VEGFC: variants seen among roughly 807,000 people sequenced by gnomAD.
VEGFC encodes vascular endothelial growth factor C.
Under a neutral mutation model 46.1 loss-of-function variants are expected in VEGFC, and 12 were observed. That is an observed-to-expected ratio of 0.26 (90% confidence interval 0.17 to 0.42). VEGFC has a LOEUF of 0.42. Among genes scored for constraint, VEGFC ranks in the 10% least tolerant of loss-of-function variants. The pLI is 1.00. For synonymous variants in VEGFC, 232 were observed against 195.5 expected (o/e 1.19, Z -1.56); for missense variants, 488 against 529.4 (o/e 0.92, Z 0.77).
At chr4:176,771,181 T>C (rs1252826493) in intron 1 of VEGFC, among the ~76,000 whole-genome samples, 2 of 152,312 alleles carry the variant, frequency 1.3e-5, no homozygotes, top group African/African-American at 2.4e-5. Flanking sequence ...ATTACCCTTA[T>C]TCAAGTCACA....
chr4:176,730,928 TAA>T (rs902396105), intron 1 of VEGFC, among the ~76,000 whole-genome samples: 14 of 152,066 alleles, frequency 9.2e-5, no homozygotes, highest in Non-Finnish European at 1.9e-4. Context: ...CTCCTAAAAA[TAA>T]AAGTCAATTA....
At chr4:176,758,736 A>G (rs1560957582) in intron 1 of VEGFC, among the ~76,000 whole-genome samples, 1 of 152,004 alleles carries the variant, frequency 6.6e-6, no homozygotes, top group Non-Finnish European at 1.5e-5. Flanking sequence ...CATGATGTCT[A>G]CCTCTGGCCC....
rs548306154 is a variant in VEGFC at position 176,728,731 on chromosome 4, G to A, written c.362-763C>T. On this transcript the variant is annotated intron_variant, in intron 2 of 6. Coordinates refer to ENST00000618562, the MANE Select transcript of VEGFC (RefSeq NM_005429.5). ...CCCTAAAATAGAATTTTTGGAAAAGGACATAAACTATTGGTTATACAACCA... is the reference window on the plus strand; with the variant it reads ...CCCTAAAATAGAATTTTTGGAAAAGAACATAAACTATTGGTTATACAACCA... Among the ~76,000 whole-genome samples the A allele has an allele frequency of 1.5e-3, 222 of 152,228 alleles. 1 individual carries two copies. The highest frequency in any genetic ancestry group is 4.6e-3 in the South Asian group (22 of 4,828).
chr4:176,755,098 T>A (rs1291606359), intron 1 of VEGFC, among the ~76,000 whole-genome samples: 1 of 152,058 alleles, frequency 6.6e-6, no homozygotes, highest in East Asian at 1.9e-4. Context: ...ATCTGTTGGT[T>A]CCAATTCGTA....
chr4:176,704,804 T>C (rs1734497589), intron 4 of VEGFC, among the ~76,000 whole-genome samples: 2 of 152,200 alleles, frequency 1.3e-5, no homozygotes, highest in South Asian at 4.1e-4. Context: ...GCATATGTGA[T>C]TCTGTTGACC....
intron 1 of VEGFC, among the ~76,000 whole-genome samples, chr4:176,741,943 C>G (rs1735183023): frequency 1.3e-5 from 2 of 151,864 alleles, no homozygotes; most frequent in Non-Finnish European, 2.9e-5. Flanking sequence ...AATATTAATT[C>G]AAACCCTAGT....
chr4:176,701,578 C>T (rs1734433702), intron 4 of VEGFC, among the ~76,000 whole-genome samples: 1 of 152,122 alleles, frequency 6.6e-6, no homozygotes, highest in African/African-American at 2.4e-5. Flanking sequence ...AGTTACCTTC[C>T]CTTTACAAAA....
intron 1 of VEGFC, among the ~76,000 whole-genome samples, chr4:176,785,407 T>C (rs1021887923): frequency 6.6e-6 from 1 of 152,226 alleles, no homozygotes; most frequent in African/African-American, 2.4e-5. Context: ...TGCATTTGAA[T>C]ATTTCCTCTT....
intron 6 of VEGFC, among the ~76,000 whole-genome samples, chr4:176,686,342 C>G (rs941889028): frequency 5.9e-5 from 9 of 152,218 alleles, no homozygotes; most frequent in Non-Finnish European, 1.2e-4. Context: ...AAAACAAATG[C>G]CTCGTTTTTG....
At chr4:176,742,778 ATCTTAATTTTATTCAAAT>A (rs1353296391) in intron 1 of VEGFC, among the ~76,000 whole-genome samples, 3 of 152,016 alleles carry the variant, frequency 2.0e-5, no homozygotes, top group African/African-American at 7.2e-5. Context: ...GTCAGACCTA[ATCTTAATTTTATTCAAAT>A]TCCCCCATGA....
chr4:176,786,499 C>T (rs1020913329), intron 1 of VEGFC, among the ~76,000 whole-genome samples: 1 of 152,190 alleles, frequency 6.6e-6, no homozygotes, highest in Non-Finnish European at 1.5e-5. Context: ...CCCAGGCCTG[C>T]CCATGCAACT....
intron 1 of VEGFC, among the ~76,000 whole-genome samples, chr4:176,759,321 A>T (rs1411288443): frequency 1.3e-5 from 2 of 150,914 alleles, no homozygotes; most frequent in African/African-American, 4.9e-5. Context: ...TTGCAAAAAG[A>T]TGAATAAAAC....
chr4:176,767,598 C>T (rs1249613390), intron 1 of VEGFC, among the ~76,000 whole-genome samples: 1 of 152,132 alleles, frequency 6.6e-6, no homozygotes, highest in East Asian at 1.9e-4. Context: ...TTCTTTTGTT[C>T]TTTTCTGTTT....
rs751982596 is a variant in VEGFC, at chr4:176,687,276, G to C, written c.1056C>G (p.Pro352=). The change falls in exon 6 of 7, where the codon CCC becomes CCG. Residue 352 remains proline (P), a synonymous_variant. Coordinates refer to ENST00000618562, the MANE Select transcript of VEGFC (RefSeq NM_005429.5). ...CACAGGCACATTTTCCAGGATTTAGGGGTTGATTTCTGGGGCAGGTTCTTT... is the reference window on the plus strand; with the variant it reads ...CACAGGCACATTTTCCAGGATTTAGCGGTTGATTTCTGGGGCAGGTTCTTT... ...VCKRTCPRNQ[P]LNPGKCACEC... is the part of the protein sequence containing the mutation. 6 of 1,613,902 alleles carry C rather than the reference G, an allele frequency of 3.7e-6. No individual in the cohort carries two copies. The highest frequency in any genetic ancestry group is 1.7e-5 in the Admixed American group (1 of 59,988).
At chr4:176,744,875 C>T (rs190368803) in intron 1 of VEGFC, among the ~76,000 whole-genome samples, 12 of 152,146 alleles carry the variant, frequency 7.9e-5, no homozygotes, top group Admixed American at 2.6e-4. Context: ...GATTTTTGCA[C>T]TAATTACAAA....
intron 1 of VEGFC, among the ~76,000 whole-genome samples, chr4:176,733,285 T>A (rs1482976845): frequency 6.6e-6 from 1 of 151,978 alleles, no homozygotes; most frequent in Non-Finnish European, 1.5e-5. Flanking sequence ...CAAAAACTTA[T>A]GTTCACATAA....
chr4:176,769,099 A>AC (rs1735681090), intron 1 of VEGFC, among the ~76,000 whole-genome samples: 1 of 151,938 alleles, frequency 6.6e-6, no homozygotes, highest in African/African-American at 2.4e-5. Context: ...CTTCCTCCTT[A>AC]CCCCTATCAC....
intron 4 of VEGFC, among the ~76,000 whole-genome samples, chr4:176,694,510 G>GT (rs1734271679): frequency 6.6e-6 from 1 of 151,522 alleles, no homozygotes; most frequent in Admixed American, 6.6e-5. Flanking sequence ...AAGAGACTTA[G>GT]ACTCCCACAC....
intron 1 of VEGFC, among the ~76,000 whole-genome samples, chr4:176,755,976 T>C (rs1307604443): frequency 6.6e-6 from 1 of 152,016 alleles, no homozygotes; most frequent in Admixed American, 6.6e-5. Flanking sequence ...TTAGTTGATA[T>C]AGTAAGTTAA....
Sources: gnomAD v4.1 joint callset for allele counts (sites outside exome capture counted in the v4.1 genomes callset) on GRCh38, gnomAD v4.1.1 for gene constraint, MANE v1.5 for transcripts, NCBI Gene and HGNC (gene_info 2026-07-23, HGNC 2026-07-21) for gene names.